EYS: variants seen among roughly 807,000 people sequenced by gnomAD.
EYS encodes the protein protein eyes shut homolog.
In EYS, 250 loss-of-function variants were observed where a neutral mutation model predicts 282.1. That is an observed-to-expected ratio of 0.89 (90% CI 0.80 to 0.98). The LOEUF (loss-of-function observed/expected upper bound fraction) is 0.98, where lower values mean the gene tolerates loss of function less well. Among genes scored for constraint, EYS ranks in the 50% least tolerant of loss-of-function variants. The pLI, the probability that EYS is intolerant of heterozygous loss-of-function variation, is 0.00. For missense variants in EYS, 4,016 were observed against 3,709.0 expected (o/e 1.08, Z -2.15); for synonymous variants, 1,355 against 1,282.9 (o/e 1.06, Z -1.20).
intron 26 of EYS, among the ~76,000 whole-genome samples, chr6:64,521,129 G>A (rs1464786178): frequency 6.6e-6 from 1 of 151,742 alleles, no homozygotes; most frequent in African/African-American, 2.4e-5. Flanking sequence ...TGTCTGAGTA[G>A]TTTTCAGCCT....
intron 29 of EYS, among the ~76,000 whole-genome samples, chr6:64,360,253 C>T (rs1442918450): frequency 2.0e-5 from 3 of 151,740 alleles, no homozygotes; most frequent in African/African-American, 7.2e-5. Flanking sequence ...TTCACAACCA[C>T]TTGGTTGTAT....
chr6:64,954,169 T>G (rs1769609497), intron 14 of EYS, among the ~76,000 whole-genome samples: 1 of 152,098 alleles, frequency 6.6e-6, no homozygotes, highest in Non-Finnish European at 1.5e-5. Flanking sequence ...TTTATAGTTT[T>G]TATTAGTAAT....
chr6:65,009,445 G>A lies in EYS; in HGVS notation c.2138-11742C>T, dbSNP rs548541228. 4.9e-4 allele frequency among the ~76,000 whole-genome samples: 74 copies of A among 152,260 alleles called. 1 individual carries two copies. Among genetic ancestry groups the A allele is most frequent in the African/African-American group, 1.7e-3 (71 of 41,554 alleles). The stretch of plus-strand genomic sequence containing the variant: ...ATACTCTGCTTTCCCAAATACCGGA[G>A]GAAGCAGAGTGGTTTACAGTCCTGG... On this transcript the variant is annotated intron_variant, in intron 13 of 42. Transcript: ENST00000503581.
intron 15 of EYS, among the ~76,000 whole-genome samples, chr6:64,924,919 G>A (rs1768467277): frequency 1.3e-5 from 2 of 152,158 alleles, no homozygotes; most frequent in South Asian, 4.1e-4. Flanking sequence ...CTTCTTCTGA[G>A]CCCTCCAAAC....
At chr6:65,330,654 T>C in intron 11 of EYS, 1 of 936,234 alleles carries the variant, frequency 1.1e-6, no homozygotes, top group Non-Finnish European at 1.3e-6. Context: ...TCATTAACTT[T>C]GTGTCCGTTA....
At chr6:63,732,137 C>T (rs1306601465) in intron 41 of EYS, among the ~76,000 whole-genome samples, 4 of 151,586 alleles carry the variant, frequency 2.6e-5, no homozygotes, top group Admixed American at 6.6e-5. Flanking sequence ...CACATGTGAG[C>T]GTATCATAAA....
At chr6:65,370,211 C>T (rs959954651) in intron 8 of EYS, among the ~76,000 whole-genome samples, 5 of 149,878 alleles carry the variant, frequency 3.3e-5, no homozygotes, top group Non-Finnish European at 7.4e-5. Flanking sequence ...CTTTCCCTCC[C>T]TCCATTTCTT....
intron 19 of EYS, among the ~76,000 whole-genome samples, chr6:64,871,182 A>G (rs1291738851): frequency 6.6e-6 from 1 of 151,944 alleles, no homozygotes; most frequent in Non-Finnish European, 1.5e-5. Context: ...TAGACATCTA[A>G]TAAATATCTT....
At chr6:64,478,567 T>C (rs1444804294) in intron 26 of EYS, among the ~76,000 whole-genome samples, 1 of 151,344 alleles carries the variant, frequency 6.6e-6, no homozygotes, top group Admixed American at 6.6e-5. Flanking sequence ...CTGTTACTTC[T>C]ATTTGATGAC....
At chr6:64,572,909 T>C (rs1765771074) in intron 26 of EYS, among the ~76,000 whole-genome samples, 1 of 149,826 alleles carries the variant, frequency 6.7e-6, no homozygotes, top group Admixed American at 6.7e-5. Context: ...TTTACAAAAT[T>C]AGAAAAAAAA....
At chr6:64,302,106 C>G (rs188502454) in intron 30 of EYS, among the ~76,000 whole-genome samples, 6 of 152,274 alleles carry the variant, frequency 3.9e-5, no homozygotes, top group South Asian at 2.1e-4. Flanking sequence ...TACACACATT[C>G]GAGCCCACAG....
At chr6:65,100,943 T>C (rs907553493) in intron 12 of EYS, among the ~76,000 whole-genome samples, 5 of 151,032 alleles carry the variant, frequency 3.3e-5, no homozygotes, top group African/African-American at 1.2e-4. Flanking sequence ...CACTCCAATA[T>C]TCAAAGATGA....
At chr6:65,434,344 G>A (rs1365623372) in intron 5 of EYS, among the ~76,000 whole-genome samples, 36 of 146,542 alleles carry the variant, frequency 2.5e-4, no homozygotes, top group African/African-American at 7.0e-4. Context: ...TTTTTGAGAC[G>A]GAGTCTCGCT....
intron 36 of EYS, among the ~76,000 whole-genome samples, chr6:63,825,394 T>C (rs1771432845): frequency 6.6e-6 from 1 of 152,108 alleles, no homozygotes; most frequent in Non-Finnish European, 1.5e-5. Context: ...CTCTCCACAC[T>C]ATAGCTGTTC....
chr6:64,601,264 T>A (rs1387668708), intron 24 of EYS, among the ~76,000 whole-genome samples: 1 of 152,070 alleles, frequency 6.6e-6, no homozygotes, highest in African/African-American at 2.4e-5. Flanking sequence ...ATATCTCTAC[T>A]TCACACTTCT....
chr6:64,001,730 T>C (rs533214289), intron 33 of EYS, among the ~76,000 whole-genome samples: 2 of 152,350 alleles, frequency 1.3e-5, no homozygotes, highest in East Asian at 3.9e-4. Flanking sequence ...CACAGAAAGA[T>C]ATTTGCGTGA....
intron 2 of EYS, among the ~76,000 whole-genome samples, chr6:65,537,902 A>AT (rs1199309284): frequency 6.6e-6 from 1 of 152,138 alleles, no homozygotes; most frequent in African/African-American, 2.4e-5. Context: ...TGCTGAGAGG[A>AT]TTTTCAAATT....
At chr6:64,983,480 A>C (rs554517605) in intron 14 of EYS, among the ~76,000 whole-genome samples, 6 of 151,182 alleles carry the variant, frequency 4.0e-5, no homozygotes, top group Non-Finnish European at 1.5e-5. Flanking sequence ...TTCCCCCCAC[A>C]CAAAACTTAT....
rs572632789 is a variant in EYS at position 65,228,769 on chromosome 6, A to G, written c.2023+67094T>C. On this transcript the variant is annotated intron_variant, in intron 12 of 42. Coordinates refer to ENST00000503581, the MANE Select transcript of EYS (RefSeq NM_001142800.2). ...CTCTCTGACTTCGAGACTTGTTATA[A>G]TGCTGTAGTAATCACAAGAGTGGTG... Among the ~76,000 whole-genome samples the G allele has an allele frequency of 2.0e-5, 3 of 152,222 alleles. No individual in the cohort carries two copies. In the South Asian group the frequency reaches 6.2e-4, roughly 32 times the overall value.
Sources: allele counts gnomAD v4.1 joint callset (sites outside exome capture counted in the v4.1 genomes callset), GRCh38; gene constraint gnomAD v4.1.1; transcripts MANE v1.5; gene names NCBI Gene and HGNC (gene_info 2026-07-23, HGNC 2026-07-21).